The following OR13A1 variants were observed in gnomAD, a reference collection of about 807,000 sequenced individuals.
OR13A1 encodes the protein olfactory receptor family 13 subfamily A member 1, also known as olfactory receptor 13A1.
A neutral mutation model predicts 7.5 loss-of-function variants in OR13A1; 10 were observed. That is an observed-to-expected ratio of 1.34 (90% confidence interval 0.83 to 2.27). The LOEUF (loss-of-function observed/expected upper bound fraction) is 2.27. Among genes scored for constraint, OR13A1 ranks in the 30% most tolerant of loss-of-function variants. OR13A1 has a pLI of 0.00. For synonymous variants in OR13A1, 238 were observed against 177.9 expected (o/e 1.34, Z -2.69); for missense variants, 509 against 419.1 (o/e 1.21, Z -1.87).
intron 1 of OR13A1, among the ~76,000 whole-genome samples, chr10:45,314,400 C>A (rs1439394626): frequency 6.7e-6 from 1 of 149,680 alleles, no homozygotes; most frequent in African/African-American, 2.5e-5. Flanking sequence ...AATTTGAGAC[C>A]AGCCTGGGCA....
chr10:45,303,413 A>T lies in OR13A1; in HGVS notation c.*23T>A, dbSNP rs182572082. ...TCCACTAAAACTGCAGTCTCCAAGG[A>T]CAAAAACTTCAGAAGACACAAGTTA... On this transcript the variant is annotated 3_prime_UTR_variant, in exon 4 of 4. Coordinates refer to ENST00000553795, the MANE Select transcript of OR13A1 (RefSeq NM_001004297.3). 1.6e-4 allele frequency: 246 copies of T among 1,566,384 alleles called. No homozygotes were observed. The African/African-American group carries it at 2.9e-3, about 18-fold the overall frequency.
In OR13A1 at chr10:45,304,043, G is replaced by C. The variant is rs765995568; in HGVS notation, c.380C>G (p.Ser127Cys). ...AQLYFLTWAA[S>C]SELLLLTVMA... Reference sequence around the variant, plus strand: ...GACCGTGAGGAGCAGCAGCTCTGAGGATGCAGCCCACGTGAGGAAATAGAG... The same window carrying C: ...GACCGTGAGGAGCAGCAGCTCTGAGCATGCAGCCCACGTGAGGAAATAGAG... Residue 127 changes from serine to cysteine, a missense_variant, in exon 4 of 4, where the codon TCC becomes TGC. Coordinates refer to ENST00000553795, the MANE Select transcript of OR13A1 (RefSeq NM_001004297.3). 28 of 1,613,490 alleles carry C rather than the reference G, an allele frequency of 1.7e-5. No homozygotes were observed. The highest frequency in any genetic ancestry group is 2.1e-5 in the Non-Finnish European group (25 of 1,179,558).
rs986734783 is a variant in OR13A1, at chr10:45,303,507, G to A, written c.916C>T (p.Leu306Phe). The A allele has an allele frequency of 1.2e-6, 2 of 1,613,958 alleles. No individual in the cohort carries two copies. Among genetic ancestry groups the A allele is most frequent in the Non-Finnish European group, 1.7e-6 (2 of 1,180,006 alleles). The change falls in exon 4 of 4, where the codon CTC (leucine) becomes TTC (phenylalanine). Residue 306 changes from leucine to phenylalanine, a missense_variant. Transcript: ENST00000553795. Reference sequence around the variant, plus strand: ...TCCTTGTTTCTCAAAGTATAGATGAGGGGGTTGAGGGTAGGACTCAGCACA... The same window carrying A: ...TCCTTGTTTCTCAAAGTATAGATGAAGGGGTTGAGGGTAGGACTCAGCACA... ...YTVLSPTLNP[L>F]IYTLRNKEVK...
chr10:45,312,549 A>C (rs1838463485), intron 1 of OR13A1, among the ~76,000 whole-genome samples: 1 of 149,040 alleles, frequency 6.7e-6, no homozygotes, highest in East Asian at 2.0e-4. Context: ...AAGTTAAAGG[A>C]ATTCATCATC....
Position 45,303,167 on chromosome 10 carries a change from C to T in OR13A1, c.*269G>A. ...TTGAAAACACAAGGAACACTTTTCT[C>T]CTCCTAGGCCCTGTGTTTCTCTGCC... On this transcript the variant is annotated 3_prime_UTR_variant, in exon 4 of 4. Transcript: ENST00000553795. The T allele has an allele frequency of 2.4e-6, 1 of 414,612 alleles. No homozygotes were observed. The highest frequency in any genetic ancestry group is 3.8e-5 in the East Asian group (1 of 26,372). The allele number at this position is 414,612 out of a possible 1,614,324, so 25.7% of individuals were successfully genotyped here. A position where few individuals can be genotyped will look rare whatever the true frequency, so the allele number is the denominator to read the frequency against.
chr10:45,312,396 CAG>C (rs1319827381), intron 1 of OR13A1, among the ~76,000 whole-genome samples: 2 of 151,852 alleles, frequency 1.3e-5, no homozygotes, highest in East Asian at 1.9e-4. Context: ...AGAATTACAG[CAG>C]AGTTTCTATA....
intron 3 of OR13A1, among the ~76,000 whole-genome samples, chr10:45,304,788 C>T (rs1281728266): frequency 6.6e-6 from 1 of 152,186 alleles, no homozygotes; most frequent in Non-Finnish European, 1.5e-5. Flanking sequence ...GGAACTTCCT[C>T]TTCCAGAAAT....
At chr10:45,314,061 A>T (rs939094118) in intron 1 of OR13A1, among the ~76,000 whole-genome samples, 2 of 152,220 alleles carry the variant, frequency 1.3e-5, no homozygotes, top group Non-Finnish European at 2.9e-5. Context: ...CAAAATATCT[A>T]TTTTGATGAA....
rs142083892 is a variant in OR13A1 at position 45,304,610 on chromosome 10, G to A, written c.-12-176C>T. The A allele has an allele frequency of 1.5e-4, 85 of 583,626 alleles. No individual in the cohort carries two copies. In the African/African-American group the frequency reaches 1.5e-3, roughly 10 times the overall value. 36.2% of individuals were successfully genotyped at this position (583,626 alleles called of 1,614,324 possible). On this transcript the variant is annotated intron_variant, in intron 3 of 3. Coordinates refer to ENST00000553795, the MANE Select transcript of OR13A1 (RefSeq NM_001004297.3). Reference sequence around the variant, plus strand: ...AGTTTATAAAAAATAAATACAGTTGGCCAGTTAAACTCATGAAGCATCATT... The same window carrying A: ...AGTTTATAAAAAATAAATACAGTTGACCAGTTAAACTCATGAAGCATCATT...
chr10:45,303,866 A>G lies in OR13A1; in HGVS notation c.557T>C (p.Phe186Ser), dbSNP rs1236127100. Residue 186 changes from phenylalanine (F) to serine (S), a missense_variant, in exon 4 of 4, where the codon TTC becomes TCC. Physicochemically the swap from Phe to Ser is radical, Grantham distance 155. Coordinates refer to ENST00000553795, the MANE Select transcript of OR13A1 (RefSeq NM_001004297.3). ...ATGGATAATGACATTGGGGCCACAG[A>G]AATCCAAGCGCAGCATCAGCCCCGT... is the stretch of plus-strand genomic sequence containing the variant. ...IHTGLMLRLD[F>S]CGPNVIIHFF... is the part of the protein sequence containing the mutation. 1 of 1,612,992 alleles carries G rather than the reference A, an allele frequency of 6.2e-7. No homozygotes were observed. Among genetic ancestry groups the G allele is most frequent in the Non-Finnish European group, 8.5e-7 (1 of 1,180,030 alleles).
downstream of OR13A1, chr10:45,302,560 T>C (rs1838227238): frequency 6.6e-6 from 1 of 152,248 alleles, no homozygotes; most frequent in Non-Finnish European, 1.5e-5. Flanking sequence ...GATATGTTTC[T>C]ATTCAATTCC....
chr10:45,312,715 A>T (rs1838465908), intron 1 of OR13A1, among the ~76,000 whole-genome samples: 2 of 152,130 alleles, frequency 1.3e-5, no homozygotes. Context: ...TTATAAAATT[A>T]TCAGTGGATT....
chr10:45,308,940 T>A (rs1482737367), intron 1 of OR13A1: 1 of 152,246 alleles, frequency 6.6e-6, no homozygotes, highest in African/African-American at 2.4e-5. Context: ...TGTCACTGCC[T>A]GTGGGAGACA....
chr10:45,312,939 A>G (rs1487458086), intron 1 of OR13A1, among the ~76,000 whole-genome samples: 1 of 152,130 alleles, frequency 6.6e-6, no homozygotes, highest in African/African-American at 2.4e-5. Flanking sequence ...AGGATGCTAA[A>G]TAGTAACATG....
chr10:45,314,294 G>A (rs1234174429), intron 1 of OR13A1, among the ~76,000 whole-genome samples: 1 of 151,996 alleles, frequency 6.6e-6, no homozygotes, highest in African/African-American at 2.4e-5. Flanking sequence ...ATAAATATGT[G>A]CATTATAAAA....
At chr10:45,315,234 A>T (rs1838502366) in intron 1 of OR13A1, among the ~76,000 whole-genome samples, 1 of 152,148 alleles carries the variant, frequency 6.6e-6, no homozygotes, top group Non-Finnish European at 1.5e-5. Context: ...GAATCCCTTG[A>T]ACCCAGGAGG....
At chr10:45,305,134 C>T (rs1588941678) in intron 3 of OR13A1, among the ~76,000 whole-genome samples, 1 of 152,098 alleles carries the variant, frequency 6.6e-6, no homozygotes, top group East Asian at 1.9e-4. Flanking sequence ...ACTTGGAAGG[C>T]TGAGGCAGGA....
intron 1 of OR13A1, among the ~76,000 whole-genome samples, chr10:45,310,912 G>T (rs1197835272): frequency 1.3e-5 from 2 of 152,182 alleles, no homozygotes; most frequent in South Asian, 4.1e-4. Flanking sequence ...TCCAGAAAGA[G>T]TCAAAAGTGG....
At chr10:45,314,473 C>A (rs375133459) in intron 1 of OR13A1, among the ~76,000 whole-genome samples, 2 of 149,116 alleles carry the variant, frequency 1.3e-5, no homozygotes, top group South Asian at 2.1e-4. Context: ...AGAAAGTTTG[C>A]AAATCAACAA....
Sources: allele counts gnomAD v4.1 joint callset (sites outside exome capture counted in the v4.1 genomes callset), GRCh38; gene constraint gnomAD v4.1.1; transcripts MANE v1.5; gene names NCBI Gene and HGNC (gene_info 2026-07-23, HGNC 2026-07-21).